JAK1: variants seen among roughly 807,000 people sequenced by gnomAD.
JAK1 encodes tyrosine-protein kinase JAK1.
A neutral mutation model predicts 136.6 loss-of-function variants in JAK1; 16 were observed. That is an observed-to-expected ratio of 0.12 (90% CI 0.08 to 0.18). JAK1 has a LOEUF of 0.18. Among genes scored for constraint, JAK1 ranks in the 10% least tolerant of loss-of-function variants. JAK1 has a pLI of 1.00. For synonymous variants in JAK1, 492 were observed against 519.5 expected (o/e 0.95, Z 0.72); for missense variants, 859 against 1,450.1 (o/e 0.59, Z 6.62).
Position 64,837,988 on chromosome 1 carries a change from A to T in JAK1, c.3084T>A (p.Ile1028=). ...CGGTGTAATACTCCTTATCGGTTTC[A>T]ATTGCTTTGGTTAAACCGAAGTCTC... ...KIGDFGLTKA[I]ETDKEYYTVK... Residue 1028 remains isoleucine, a synonymous_variant, in exon 22 of 25, where the codon ATT becomes ATA. Coordinates refer to ENST00000342505, the MANE Select transcript of JAK1 (RefSeq NM_002227.4). 6.2e-7 allele frequency: 1 copy of T among 1,614,198 alleles called. No homozygotes were observed. Among genetic ancestry groups the T allele is most frequent in the Non-Finnish European group, 8.5e-7 (1 of 1,180,042 alleles).
chr1:65,034,267 A>C (rs1037181361), intron 2 of JAK1, among the ~76,000 whole-genome samples: 1 of 152,232 alleles, frequency 6.6e-6, no homozygotes, highest in African/African-American at 2.4e-5. Flanking sequence ...TCAGGATGGC[A>C]CAGATGGGGT....
At chr1:64,928,546 G>A (rs1304444836) in intron 1 of JAK1, among the ~76,000 whole-genome samples, 1 of 151,940 alleles carries the variant, frequency 6.6e-6, no homozygotes, top group African/African-American at 2.4e-5. Flanking sequence ...GCCCCCTCCA[G>A]GAGTCCTAAC....
At chr1:65,013,600 G>A (rs1260762743) in intron 2 of JAK1, among the ~76,000 whole-genome samples, 1 of 152,068 alleles carries the variant, frequency 6.6e-6, no homozygotes, top group Non-Finnish European at 1.5e-5. Context: ...TGGTCCAAAA[G>A]AATTCAAGCC....
intron 2 of JAK1, chr1:64,993,328 C>G (rs531257092): frequency 6.6e-6 from 1 of 152,398 alleles, no homozygotes; most frequent in African/African-American, 2.4e-5. Context: ...GGACGTCTCT[C>G]CCCTTCTCTG....
At chr1:64,900,522 CAG>C (rs1645088294) in intron 1 of JAK1, among the ~76,000 whole-genome samples, 2 of 152,280 alleles carry the variant, frequency 1.3e-5, no homozygotes, top group South Asian at 4.1e-4. Context: ...GCGAAGTGGA[CAG>C]AGATCTTGGA....
At chr1:65,059,252 T>C (rs1647686217) in intron 1 of JAK1, among the ~76,000 whole-genome samples, 1 of 152,196 alleles carries the variant, frequency 6.6e-6, no homozygotes, top group Non-Finnish European at 1.5e-5. Context: ...TGCTTTGTTT[T>C]CTCTACCCTA....
intron 1 of JAK1, among the ~76,000 whole-genome samples, chr1:65,046,907 T>C (rs1309405146): frequency 6.7e-6 from 1 of 149,702 alleles, no homozygotes; most frequent in African/African-American, 2.5e-5. Context: ...ACTTTTTCAT[T>C]TCAGTGTCAG....
chr1:64,958,224 C>T (rs1408150642), intron 1 of JAK1, among the ~76,000 whole-genome samples: 1 of 152,208 alleles, frequency 6.6e-6, no homozygotes, highest in African/African-American at 2.4e-5. Flanking sequence ...TCCTAAATCA[C>T]ATCAAGTGGG....
intron 4 of JAK1, among the ~76,000 whole-genome samples, 167 bp from the exon 5 acceptor site, chr1:64,873,690 C>T (rs574623655): frequency 5.9e-5 from 9 of 152,260 alleles, no homozygotes; most frequent in South Asian, 2.1e-4. Flanking sequence ...TTCTTACTAG[C>T]GCTGCGTGAG....
At chr1:64,947,529 G>T (rs1306823840) in intron 1 of JAK1, among the ~76,000 whole-genome samples, 1 of 152,100 alleles carries the variant, frequency 6.6e-6, no homozygotes, top group Non-Finnish European at 1.5e-5. Flanking sequence ...AGAATAGCAG[G>T]ATTCTTACTG....
At position 64,844,456 on chromosome 1, in the gene JAK1, A is replaced by T. The variant is rs1490768178; in HGVS notation, c.2252-241T>A. The stretch of plus-strand genomic sequence containing the variant: ...AGCCAGCAGATGGGTCCCTGCCTCC[A>T]AGCTCCCCAGGAGGGTCGTGTGAAG... On this transcript the variant is annotated intron_variant, in intron 16 of 24. Coordinates refer to ENST00000342505, the MANE Select transcript of JAK1 (RefSeq NM_002227.4). This position sits in a 1 kb window ranked among gnomAD's most constrained non-coding sequence, Gnocchi z 5.7. Among the ~76,000 whole-genome samples, 1 of 152,134 alleles carries T rather than the reference A, an allele frequency of 6.6e-6. No homozygotes were observed. Among genetic ancestry groups the T allele is most frequent in the Non-Finnish European group, 1.5e-5 (1 of 68,012 alleles).
At chr1:64,982,074 AAGTT>A (rs1285936308) in intron 2 of JAK1, among the ~76,000 whole-genome samples, 2 of 151,772 alleles carry the variant, frequency 1.3e-5, no homozygotes, top group African/African-American at 4.9e-5. Flanking sequence ...TGTCAACACT[AAGTT>A]AAATAACACA....
chr1:65,061,167 T>G (rs911440280), intron 1 of JAK1, among the ~76,000 whole-genome samples: 3 of 152,126 alleles, frequency 2.0e-5, no homozygotes, highest in Non-Finnish European at 4.4e-5. Context: ...ACCTGTAATC[T>G]CAGCGCCTTA....
At chr1:64,985,758 A>G (rs1454966613) in intron 2 of JAK1, 1 of 659,744 alleles carries the variant, frequency 1.5e-6, no homozygotes, top group South Asian at 1.7e-5. Context: ...CAACTCAGCT[A>G]CTTTACACAG....
At chr1:64,857,279 T>C (rs1656000424) in intron 10 of JAK1, among the ~76,000 whole-genome samples, 1 of 152,272 alleles carries the variant, frequency 6.6e-6, no homozygotes, top group African/African-American at 2.4e-5. Context: ...TAGACAGGCA[T>C]AGCTCTGGGT....
chr1:64,842,195 A>C (rs1570615156), intron 17 of JAK1, among the ~76,000 whole-genome samples: 1 of 152,218 alleles, frequency 6.6e-6, no homozygotes, highest in Non-Finnish European at 1.5e-5. Context: ...ATTTTGTTTA[A>C]AAAAGAGAGA....
intron 1 of JAK1, among the ~76,000 whole-genome samples, chr1:65,063,197 T>A (rs1286591970): frequency 6.6e-6 from 1 of 152,004 alleles, no homozygotes; most frequent in African/African-American, 2.4e-5. Flanking sequence ...TGGAAGTGAG[T>A]GACAGATGAG....
intron 1 of JAK1, among the ~76,000 whole-genome samples, chr1:64,920,849 G>A (rs1370660440): frequency 6.6e-6 from 1 of 152,140 alleles, no homozygotes; most frequent in Non-Finnish European, 1.5e-5. Context: ...CACTGACTGA[G>A]TTAAGTATCA....
chr1:64,994,478 G>A (rs1040495989), intron 2 of JAK1, among the ~76,000 whole-genome samples: 1 of 152,126 alleles, frequency 6.6e-6, no homozygotes. Context: ...TGTCAGTGTC[G>A]AGGGCTCTTC....
Sources: gnomAD v4.1 joint callset for allele counts (sites outside exome capture counted in the v4.1 genomes callset) on GRCh38, gnomAD v4.1.1 for gene constraint, Gnocchi (gnomAD v3.1) non-coding constraint, MANE v1.5 for transcripts, NCBI Gene and HGNC (gene_info 2026-07-23, HGNC 2026-07-21) for gene names.